Variants in STOX2 observed in about 807,000 individuals in gnomAD.
The protein encoded by STOX2 is storkhead box 2.
STOX2 carries 28 observed loss-of-function variants against 60.9 expected under a neutral mutation model. That is an observed-to-expected ratio of 0.46 (90% CI 0.34 to 0.63). The LOEUF (loss-of-function observed/expected upper bound fraction) is 0.63, where lower values mean the gene tolerates loss of function less well. Ranked by LOEUF, STOX2 falls within the 30% of genes least tolerant of loss-of-function variation. STOX2 has a pLI of 0.01. For synonymous variants in STOX2, 472 were observed against 463.9 expected (o/e 1.02, Z -0.22); for missense variants, 1,024 against 1,187.7 (o/e 0.86, Z 2.03).
intron 1 of STOX2, among the ~76,000 whole-genome samples, chr4:183,842,116 A>G (rs1739876603): frequency 1.3e-5 from 2 of 152,236 alleles, no homozygotes; most frequent in Non-Finnish European, 2.9e-5. Flanking sequence ...TCATTTCCCT[A>G]GTAGCTCTTA....
chr4:183,985,901 C>T (rs1031755504), intron 1 of STOX2, among the ~76,000 whole-genome samples: 2 of 152,136 alleles, frequency 1.3e-5, no homozygotes, highest in Non-Finnish European at 2.9e-5. Flanking sequence ...GATCAGACCA[C>T]GCCCGACAGG....
intron 1 of STOX2, among the ~76,000 whole-genome samples, chr4:183,832,872 A>G (rs1035085333): frequency 6.6e-6 from 1 of 152,220 alleles, no homozygotes; most frequent in Non-Finnish European, 1.5e-5. Flanking sequence ...AACTTTATAC[A>G]CAATCCCTTC....
chr4:183,940,506 TC>T (rs1348137227), intron 1 of STOX2, among the ~76,000 whole-genome samples: 9 of 152,204 alleles, frequency 5.9e-5, no homozygotes, highest in African/African-American at 2.2e-4. Flanking sequence ...CCACCCCTCT[TC>T]CTGCTCCACA....
rs1461540394 is a variant in STOX2, at chr4:183,836,378, A to AG, written c.364+38324dup. 6.6e-6 allele frequency among the ~76,000 whole-genome samples: 1 copy of AG among 152,158 alleles called. No individual in the cohort carries two copies. The highest frequency in any genetic ancestry group is 2.4e-5 in the African/African-American group (1 of 41,428). On this transcript the variant is annotated intron_variant, in intron 1 of 2. Coordinates refer to the STOX2 transcript ENST00000513034. This position sits in a 1 kb window ranked among gnomAD's most constrained non-coding sequence, Gnocchi z 4.1. ...AGGACCACTAAAAATAAACATAAGG[A>AG]GTGTCACTACGTTAGCAGCATAGGC...
intron 1 of STOX2, among the ~76,000 whole-genome samples, chr4:183,948,625 G>A (rs948527804): frequency 3.0e-5 from 4 of 131,524 alleles, no homozygotes; most frequent in Non-Finnish European, 3.1e-5. Context: ...TCTGCCTCCC[G>A]GGTTCAAGCG....
At chr4:183,953,946 G>C (rs1268247231) in intron 1 of STOX2, among the ~76,000 whole-genome samples, 3 of 152,128 alleles carry the variant, frequency 2.0e-5, no homozygotes, top group African/African-American at 7.2e-5. Context: ...CCGGAAAGTG[G>C]TTCTGAATAG....
At chr4:183,838,082 G>A (rs549224324) in intron 1 of STOX2, among the ~76,000 whole-genome samples, 3 of 150,918 alleles carry the variant, frequency 2.0e-5, no homozygotes, top group South Asian at 2.1e-4. Context: ...TAATTTTTAC[G>A]GTAAAAATAT....
At position 183,826,223 on chromosome 4, in the gene STOX2, C is replaced by G. The variant is rs1407189549; in HGVS notation, c.364+28168C>G. ...AACAAACTCAGCTGCCAGGTTCCATCTGGTTTTGGTCTTTTTTCCCTTTCT... is the reference window on the plus strand; with the variant it reads ...AACAAACTCAGCTGCCAGGTTCCATGTGGTTTTGGTCTTTTTTCCCTTTCT... On this transcript the variant is annotated intron_variant, in intron 1 of 2. Transcript: ENST00000513034. Among the ~76,000 whole-genome samples the G allele has an allele frequency of 2.0e-5, 3 of 152,290 alleles. No individual in the cohort carries two copies. The South Asian group carries it at 6.2e-4, about 32-fold the overall frequency.
At chr4:183,937,829 T>C (rs973425408) in intron 1 of STOX2, among the ~76,000 whole-genome samples, 2 of 152,216 alleles carry the variant, frequency 1.3e-5, no homozygotes, top group Non-Finnish European at 2.9e-5. Flanking sequence ...AAATACAGTA[T>C]CTCTGGCTTT....
At chr4:183,842,473 T>C (rs1739885068) in intron 1 of STOX2, among the ~76,000 whole-genome samples, 1 of 152,214 alleles carries the variant, frequency 6.6e-6, no homozygotes, top group Non-Finnish European at 1.5e-5. Flanking sequence ...GTAGTTTCTT[T>C]AGTTTTTGAT....
In STOX2 at chr4:183,844,128, T is replaced by G. The variant is rs1739932162; in HGVS notation, c.364+46073T>G. Among the ~76,000 whole-genome samples, 3 of 152,330 alleles carry G rather than the reference T, an allele frequency of 2.0e-5. No homozygotes were observed. The South Asian group carries it at 6.2e-4, about 32-fold the overall frequency. On this transcript the variant is annotated intron_variant, in intron 1 of 2. Transcript: ENST00000513034. Reference sequence around the variant, plus strand: ...TTTGGTGAATTTGTATTTGTTGGTATTCTGGAATATAAATCTCTGAAAAAG... The same window carrying G: ...TTTGGTGAATTTGTATTTGTTGGTAGTCTGGAATATAAATCTCTGAAAAAG...
intron 1 of STOX2, among the ~76,000 whole-genome samples, chr4:183,941,613 G>A (rs1048775821): frequency 1.3e-5 from 2 of 152,060 alleles, no homozygotes; most frequent in Non-Finnish European, 2.9e-5. Flanking sequence ...ATGGGGTGGG[G>A]GTTGTATACC....
upstream of STOX2, among the ~76,000 whole-genome samples, chr4:183,902,876 T>C (rs781220526): frequency 1.3e-5 from 2 of 152,216 alleles, no homozygotes; most frequent in African/African-American, 2.4e-5. Flanking sequence ...ATCAGGCTAG[T>C]TGGCCACGAA....
chr4:183,874,955 ATATATATATATATATAT>A (rs1740791347), intron 1 of STOX2, among the ~76,000 whole-genome samples: 11 of 30,168 alleles, frequency 3.6e-4, no homozygotes, highest in South Asian at 1.9e-3. Context: ...AAAAAAAAAT[ATATATATATATATATAT>A]ATATATATAT....
intron 3 of STOX2, among the ~76,000 whole-genome samples, chr4:184,012,915 T>C (rs901648553): frequency 6.6e-5 from 10 of 152,262 alleles, no homozygotes; most frequent in African/African-American, 2.4e-4. Context: ...TCTACTCTTT[T>C]TTCCTCTTGA....
At chr4:183,974,771 C>T (rs1306073530) in intron 1 of STOX2, among the ~76,000 whole-genome samples, 10 of 152,064 alleles carry the variant, frequency 6.6e-5, no homozygotes, top group Non-Finnish European at 1.5e-4. Flanking sequence ...AACACAGCTC[C>T]CCCAATAATT....
chr4:183,856,768 T>C lies in STOX2; in HGVS notation c.364+58713T>C. ...AGTGCTACTTTAAAAATAGTCTTTT[T>C]TCAGTAGTGTCTGTTTAATAGTTAC... On this transcript the variant is annotated intron_variant, in intron 1 of 2. Transcript: ENST00000513034. This position sits in a 1 kb window ranked among gnomAD's most constrained non-coding sequence, Gnocchi z 4.0. 6.6e-6 allele frequency among the ~76,000 whole-genome samples: 1 copy of C among 152,240 alleles called. No homozygotes were observed.
At chr4:183,844,671 A>G (rs1161418369) in intron 1 of STOX2, among the ~76,000 whole-genome samples, 1 of 152,202 alleles carries the variant, frequency 6.6e-6, no homozygotes, top group Non-Finnish European at 1.5e-5. Context: ...TTCTTTCATT[A>G]TTTACCTCTG....
In STOX2 at chr4:184,012,734, T is replaced by TC. The variant is rs533528572; in HGVS notation, c.2585+1314dup. ...CTATGGGCCCCAGTCCCTCTCCCCA[T>TC]CCCTCGAGGAGCCTCTGACACCTCA... On this transcript the variant is annotated intron_variant, in intron 3 of 3. Coordinates refer to ENST00000308497, the MANE Select transcript of STOX2 (RefSeq NM_020225.3). 4.8e-4 allele frequency among the ~76,000 whole-genome samples: 73 copies of TC among 152,264 alleles called. No individual in the cohort carries two copies. The East Asian group carries it at 0.011, about 23-fold the overall frequency.
Sources: allele counts gnomAD v4.1 joint callset (sites outside exome capture counted in the v4.1 genomes callset), GRCh38; gene constraint gnomAD v4.1.1; non-coding constraint Gnocchi (gnomAD v3.1); transcripts MANE v1.5; gene names NCBI Gene and HGNC (gene_info 2026-07-23, HGNC 2026-07-21).